SHISA9: variants seen among roughly 807,000 people sequenced by gnomAD.
The protein encoded by SHISA9 is protein shisa-9.
SHISA9 carries 13 observed loss-of-function variants against 38.0 expected under a neutral mutation model. That is an observed-to-expected ratio of 0.34 (90% CI 0.22 to 0.54). The LOEUF (loss-of-function observed/expected upper bound fraction) is 0.54, where lower values mean the gene tolerates loss of function less well. Among genes scored for constraint, SHISA9 ranks in the 20% least tolerant of loss-of-function variants. The pLI, the probability that SHISA9 is intolerant of heterozygous loss-of-function variation, is 0.91. For missense variants in SHISA9, 538 were observed against 575.8 expected, an observed-to-expected ratio of 0.93 and a Z score of 0.67; for synonymous variants, 275 against 242.0, an observed-to-expected ratio of 1.14 and a Z score of -1.27.
chr16:13,067,050 A>G (rs2073443347), intron 2 of SHISA9, among the ~76,000 whole-genome samples: 1 of 152,208 alleles, frequency 6.6e-6, no homozygotes, highest in Non-Finnish European at 1.5e-5. Flanking sequence ...TCAAATAGGA[A>G]GGAACTGTGG....
At chr16:13,448,574 C>T in the SHISA9 span, among the ~76,000 whole-genome samples, 2 of 152,236 alleles carry the variant, frequency 1.3e-5, no homozygotes, top group African/African-American at 4.8e-5. Context: ...TGTGGCCCTG[C>T]CCCAAGGCAG....
chr16:13,349,281 A>C, the SHISA9 span, among the ~76,000 whole-genome samples: 1 of 152,234 alleles, frequency 6.6e-6, no homozygotes, highest in African/African-American at 2.4e-5. Context: ...CCGCAGTGTT[A>C]ACACATAGTG....
the SHISA9 span, among the ~76,000 whole-genome samples, chr16:13,547,291 G>GT: frequency 6.6e-6 from 1 of 152,074 alleles, no homozygotes; most frequent in Non-Finnish European, 1.5e-5. Context: ...TTATCAGTGG[G>GT]TTTTTTTCTA....
At chr16:13,273,350 T>G in the SHISA9 span, among the ~76,000 whole-genome samples, 2 of 152,178 alleles carry the variant, frequency 1.3e-5, no homozygotes, top group Admixed American at 1.3e-4. Flanking sequence ...TCATCTTGAG[T>G]TTCCATGTGT....
At chr16:13,414,737 C>A in the SHISA9 span, among the ~76,000 whole-genome samples, 1 of 150,064 alleles carries the variant, frequency 6.7e-6, no homozygotes, top group African/African-American at 2.5e-5. Flanking sequence ...CTCTGCCTCC[C>A]GGGTTCAAGC....
At chr16:13,503,231 T>C in the SHISA9 span, among the ~76,000 whole-genome samples, 4 of 152,192 alleles carry the variant, frequency 2.6e-5, no homozygotes, top group South Asian at 6.2e-4. Context: ...TAGTGAGTAA[T>C]ATGGAAAATG....
At chr16:12,926,366 G>A (rs780287698) in intron 2 of SHISA9, among the ~76,000 whole-genome samples, 3 of 152,028 alleles carry the variant, frequency 2.0e-5, no homozygotes, top group Non-Finnish European at 4.4e-5. Flanking sequence ...CCGAGATAAA[G>A]TCACCATTTC....
chr16:13,003,288 A>G (rs965534000), intron 2 of SHISA9, among the ~76,000 whole-genome samples: 3 of 152,214 alleles, frequency 2.0e-5, no homozygotes, highest in African/African-American at 7.2e-5. Context: ...GCAGGGGGAA[A>G]ACATGATCTA....
the SHISA9 span, among the ~76,000 whole-genome samples, chr16:13,446,232 ACCGTGCCTGG>A: frequency 6.6e-6 from 1 of 152,164 alleles, no homozygotes; most frequent in Non-Finnish European, 1.5e-5. Flanking sequence ...GGTGTGAGCC[ACCGTGCCTGG>A]CCGTGCCTAG....
the SHISA9 span, among the ~76,000 whole-genome samples, chr16:13,274,040 A>G: frequency 2.6e-5 from 4 of 152,174 alleles, no homozygotes; most frequent in East Asian, 5.8e-4. Context: ...ATCACTTAAC[A>G]TCTTCAGTTT....
intron 2 of SHISA9, among the ~76,000 whole-genome samples, chr16:13,149,879 C>T (rs1196631185): frequency 4.1e-5 from 6 of 147,216 alleles, no homozygotes; most frequent in Non-Finnish European, 8.9e-5. Context: ...GAGCAGCGAT[C>T]ATGCCACTGC....
chr16:13,337,755 G>T, the SHISA9 span, among the ~76,000 whole-genome samples: 29 of 152,240 alleles, frequency 1.9e-4, no homozygotes, highest in East Asian at 3.3e-3. Flanking sequence ...GATCATGGGG[G>T]CAGACTTCCC....
chr16:13,198,589 T>A (rs192667588), intron 2 of SHISA9, among the ~76,000 whole-genome samples: 56 of 152,330 alleles, frequency 3.7e-4, no homozygotes, highest in African/African-American at 1.3e-3. Context: ...CATTTTTTTT[T>A]GTTTCTCCTC....
At chr16:13,215,774 A>G (rs1056592639) in intron 4 of SHISA9, among the ~76,000 whole-genome samples, 1 of 152,144 alleles carries the variant, frequency 6.6e-6, no homozygotes, top group Admixed American at 6.5e-5. Context: ...CTCTGGGGTC[A>G]TTGGTCTGCC....
the SHISA9 span, among the ~76,000 whole-genome samples, chr16:13,376,532 G>C: frequency 6.6e-6 from 1 of 152,142 alleles, no homozygotes; most frequent in South Asian, 2.1e-4. Context: ...TTTTTCCAGA[G>C]AGTCCAAGAG....
chr16:13,079,425 C>T (rs1479459082), intron 2 of SHISA9, among the ~76,000 whole-genome samples: 3 of 152,092 alleles, frequency 2.0e-5, no homozygotes, highest in African/African-American at 4.8e-5. Flanking sequence ...TGTTAGCATT[C>T]TAGAATGATG....
intron 1 of SHISA9, chr16:12,902,990 C>T (rs1407689795): frequency 9.1e-6 from 2 of 220,248 alleles, no homozygotes; most frequent in South Asian, 1.3e-4. Context: ...CCATGGCACC[C>T]CTCGGATTCC....
At chr16:13,361,845 C>T in the SHISA9 span, among the ~76,000 whole-genome samples, 3 of 152,196 alleles carry the variant, frequency 2.0e-5, no homozygotes, top group Admixed American at 2.0e-4. Flanking sequence ...ATTGGATGAA[C>T]AAGCCTTCAT....
intron 1 of SHISA9, among the ~76,000 whole-genome samples, chr16:12,906,365 C>A (rs1192727554): frequency 6.6e-6 from 1 of 152,172 alleles, no homozygotes; most frequent in African/African-American, 2.4e-5. Flanking sequence ...CTCCAAGATA[C>A]CAGTTTGCAG....
Sources: gnomAD v4.1 joint callset for allele counts (sites outside exome capture counted in the v4.1 genomes callset) on GRCh38, gnomAD v4.1.1 for gene constraint, MANE v1.5 for transcripts, NCBI Gene and HGNC (gene_info 2026-07-23, HGNC 2026-07-21) for gene names.